GRK5: variants seen among roughly 807,000 people sequenced by gnomAD.
GRK5 encodes the protein G protein-coupled receptor kinase 5.
A neutral mutation model predicts 78.4 loss-of-function variants in GRK5; 40 were observed. The ratio of observed to expected loss-of-function variants is 0.51; its 90% CI spans 0.40 to 0.66. The LOEUF is 0.66. Ranked by LOEUF, GRK5 falls within the 30% of genes least tolerant of loss-of-function variation. The pLI is 0.00. For missense variants in GRK5, 598 were observed against 759.9 expected (o/e 0.79, Z 2.50); for synonymous variants, 289 against 296.8 (o/e 0.97, Z 0.27).
intron 2 of GRK5, among the ~76,000 whole-genome samples, chr10:119,368,728 G>A (rs1301269191): frequency 3.3e-5 from 5 of 152,202 alleles, no homozygotes; most frequent in African/African-American, 4.8e-5. Flanking sequence ...GGCTCAGACC[G>A]CCTCACTTCT....
intron 1 of GRK5, among the ~76,000 whole-genome samples, chr10:119,255,969 C>T (rs971201675): frequency 6.6e-6 from 1 of 152,214 alleles, no homozygotes; most frequent in African/African-American, 2.4e-5. Context: ...TATAGTCTCT[C>T]ACTTTGCTGA....
chr10:119,227,333 G>A (rs1238481678), intron 1 of GRK5, among the ~76,000 whole-genome samples: 2 of 152,264 alleles, frequency 1.3e-5, no homozygotes, highest in Non-Finnish European at 2.9e-5. Flanking sequence ...TTGGGAAGCC[G>A]AGGTGGGTGG....
rs183140073 is a variant in GRK5 at position 119,220,188 on chromosome 10, C to T, written c.52+12219C>T. Among the ~76,000 whole-genome samples, 294 of 152,250 alleles carry T rather than the reference C, an allele frequency of 1.9e-3. 1 individual carries two copies. Among genetic ancestry groups the T allele is most frequent in the African/African-American group, 6.5e-3 (272 of 41,538 alleles). On this transcript the variant is annotated intron_variant, in intron 1 of 15. Coordinates refer to ENST00000392870, the MANE Select transcript of GRK5 (RefSeq NM_005308.3). Reference sequence around the variant, plus strand: ...ATGAGGCTTTATGGATGGTGCCAAGCCCTGTGATATATAATAATTAGTAAC... The same window carrying T: ...ATGAGGCTTTATGGATGGTGCCAAGTCCTGTGATATATAATAATTAGTAAC...
intron 1 of GRK5, among the ~76,000 whole-genome samples, chr10:119,314,473 G>T (rs1850449037): frequency 2.6e-5 from 4 of 152,320 alleles, no homozygotes; most frequent in African/African-American, 7.2e-5. Context: ...CCTTGGACAG[G>T]GAGAGGCTCT....
chr10:119,284,401 G>T (rs1031280000), intron 1 of GRK5, among the ~76,000 whole-genome samples: 1 of 152,088 alleles, frequency 6.6e-6, no homozygotes, highest in East Asian at 1.9e-4. Flanking sequence ...ACCTCCCAAA[G>T]TGCTGGGATT....
chr10:119,275,623 A>G (rs1174114072), intron 1 of GRK5, among the ~76,000 whole-genome samples: 8 of 148,818 alleles, frequency 5.4e-5, no homozygotes, highest in South Asian at 2.1e-4. Context: ...GCACACACAC[A>G]CACACACACA....
At chr10:119,283,317 A>G (rs1429945849) in intron 1 of GRK5, among the ~76,000 whole-genome samples, 2 of 152,150 alleles carry the variant, frequency 1.3e-5, no homozygotes, top group South Asian at 2.1e-4. Context: ...GCAGCTCAAC[A>G]TGGTCACATT....
At chr10:119,449,493 G>A (rs531566146) in intron 13 of GRK5, among the ~76,000 whole-genome samples, 2 of 152,262 alleles carry the variant, frequency 1.3e-5, no homozygotes, top group Admixed American at 6.5e-5. Context: ...GGAGAAACAC[G>A]GGGGCCACTG....
At chr10:119,237,713 G>A (rs1041314962) in intron 1 of GRK5, among the ~76,000 whole-genome samples, 4 of 151,952 alleles carry the variant, frequency 2.6e-5, no homozygotes, top group Admixed American at 2.6e-4. Context: ...AGGAGGGCAG[G>A]TCGGGTGGGG....
At chr10:119,453,512 G>A (rs746244434) in intron 15 of GRK5, among the ~76,000 whole-genome samples, 5 of 152,196 alleles carry the variant, frequency 3.3e-5, no homozygotes, top group African/African-American at 4.8e-5. Context: ...GGGTTTCTCC[G>A]CCTTGACACT....
In GRK5 at chr10:119,452,829, G is replaced by T; in HGVS notation, c.1542+21G>T. ...ACGAGGTGAGCAGGGCAGACCACTTGCTTTGGTCTGGGTGGGAGGGAGGGA... is the reference window on the plus strand; with the variant it reads ...ACGAGGTGAGCAGGGCAGACCACTTTCTTTGGTCTGGGTGGGAGGGAGGGA... On this transcript the variant is annotated intron_variant, in intron 14 of 15. Coordinates refer to ENST00000392870, the MANE Select transcript of GRK5 (RefSeq NM_005308.3). This position sits in a 1 kb window ranked among gnomAD's most constrained non-coding sequence, Gnocchi z 4.4. The T allele has an allele frequency of 1.7e-6, 2 of 1,191,572 alleles. No homozygotes were observed. The highest frequency in any genetic ancestry group is 1.2e-5 in the South Asian group (1 of 83,412). 73.8% of individuals were successfully genotyped at this position (1,191,572 alleles called of 1,614,324 possible).
chr10:119,439,054 C>A, intron 9 of GRK5, among the ~76,000 whole-genome samples: 1 of 152,228 alleles, frequency 6.6e-6, no homozygotes, highest in Admixed American at 6.5e-5. Flanking sequence ...CTTGGCTGTT[C>A]TTTTACCCAT....
At chr10:119,366,323 C>T (rs1440518837) in intron 2 of GRK5, among the ~76,000 whole-genome samples, 2 of 152,108 alleles carry the variant, frequency 1.3e-5, no homozygotes, top group Non-Finnish European at 2.9e-5. Flanking sequence ...TCATAAGTGT[C>T]CAGACTGTCC....
chr10:119,284,282 A>G (rs1849811955), intron 1 of GRK5, among the ~76,000 whole-genome samples: 1 of 152,128 alleles, frequency 6.6e-6, no homozygotes, highest in African/African-American at 2.4e-5. Context: ...ATTTTATTTA[A>G]TCCAGTATCT....
intron 6 of GRK5, among the ~76,000 whole-genome samples, chr10:119,428,227 A>G (rs1345863889): frequency 6.6e-6 from 1 of 152,026 alleles, no homozygotes; most frequent in East Asian, 1.9e-4. Context: ...CTAGACCCCA[A>G]CTCCAGCCCA....
At chr10:119,256,577 C>T (rs571558952) in intron 1 of GRK5, among the ~76,000 whole-genome samples, 3 of 152,176 alleles carry the variant, frequency 2.0e-5, no homozygotes, top group African/African-American at 7.2e-5. Flanking sequence ...CCCTGGGCCA[C>T]AGCACCCCAC....
intron 12 of GRK5, among the ~76,000 whole-genome samples, chr10:119,447,766 A>T (rs1252112051): frequency 6.6e-6 from 1 of 152,242 alleles, no homozygotes; most frequent in East Asian, 1.9e-4. Flanking sequence ...TTAGCTGAGT[A>T]TGTGCACGAG....
At chr10:119,332,744 C>T (rs947532943) in intron 2 of GRK5, among the ~76,000 whole-genome samples, 16 of 152,230 alleles carry the variant, frequency 1.1e-4, no homozygotes, top group African/African-American at 3.9e-4. Flanking sequence ...AGCTGGTCTC[C>T]CTTTTGTCCT....
intron 1 of GRK5, among the ~76,000 whole-genome samples, chr10:119,239,478 C>T (rs568346583): frequency 4.0e-5 from 6 of 151,822 alleles, no homozygotes; most frequent in Admixed American, 2.6e-4. Context: ...TCAGGTGATC[C>T]GTCTGCCTCA....
Sources: allele counts gnomAD v4.1 joint callset (sites outside exome capture counted in the v4.1 genomes callset), GRCh38; gene constraint gnomAD v4.1.1; non-coding constraint Gnocchi (gnomAD v3.1); transcripts MANE v1.5; gene names NCBI Gene and HGNC (gene_info 2026-07-23, HGNC 2026-07-21).